Variants in NFKBIZ observed in about 807,000 individuals in gnomAD.
The protein encoded by NFKBIZ is NF-kappa-B inhibitor zeta.
Under a neutral mutation model 76.8 loss-of-function variants are expected in NFKBIZ, and 19 were observed. The observed-to-expected ratio is 0.25, with a 90% CI of 0.17 to 0.36. The LOEUF is 0.36. NFKBIZ is among the 10% of genes least tolerant of loss of function. The pLI is 1.00. For synonymous variants in NFKBIZ, 368 were observed against 354.8 expected (o/e 1.04, Z -0.42); for missense variants, 829 against 910.9 (o/e 0.91, Z 1.16).
chr3:101,850,140 G>A, intron 1 of NFKBIZ: 1 of 423,734 alleles, frequency 2.4e-6, no homozygotes, highest in Non-Finnish European at 4.1e-6. Context: ...CGGGCCTCGG[G>A]GGGGCTTCAG....
intron 2 of NFKBIZ, chr3:101,829,734 C>T (rs1037950608): frequency 6.6e-6 from 1 of 152,098 alleles, no homozygotes; most frequent in Non-Finnish European, 1.5e-5. Context: ...CAGGTGTTAC[C>T]TAGCTTCTGG....
At chr3:101,833,859 AT>A (rs1942679108) in intron 2 of NFKBIZ, among the ~76,000 whole-genome samples, 1 of 152,220 alleles carries the variant, frequency 6.6e-6, no homozygotes, top group Non-Finnish European at 1.5e-5. Flanking sequence ...TTGCAGCCAA[AT>A]TGAAGCAGGC....
chr3:101,836,670 C>G (rs1392450902), intron 2 of NFKBIZ, among the ~76,000 whole-genome samples: 2 of 152,158 alleles, frequency 1.3e-5, no homozygotes, highest in African/African-American at 4.8e-5. Context: ...TCCCTTTTAT[C>G]TTTTCTTAAA....
At chr3:101,848,304 C>T (rs536113374), upstream of NFKBIZ, among the ~76,000 whole-genome samples, 1 of 152,322 alleles carries the variant, frequency 6.6e-6, no homozygotes, top group African/African-American at 2.4e-5. Context: ...TCTTGACAAT[C>T]GTAAAAGGGG....
At chr3:101,845,163 G>T (rs1180006251), upstream of NFKBIZ, among the ~76,000 whole-genome samples, 1 of 151,786 alleles carries the variant, frequency 6.6e-6, no homozygotes, top group African/African-American at 2.4e-5. Context: ...AGCTACTCGG[G>T]AGGCTAAGGC....
At chr3:101,851,554 T>A (rs1942963857) in intron 1 of NFKBIZ, among the ~76,000 whole-genome samples, 1 of 152,272 alleles carries the variant, frequency 6.6e-6, no homozygotes, top group South Asian at 2.1e-4. Context: ...AGAAGTTGTT[T>A]TGTGCCTTCT....
rs565624863 is a variant in NFKBIZ, at chr3:101,833,015, C to T, written c.-12+3327C>T. ...TTCTGAGTAAATCTGCGCAGTGATT[C>T]GGCACCACTATTAAAACACTGTCTC... On this transcript the variant is annotated intron_variant, in intron 2 of 12. Coordinates refer to the NFKBIZ transcript ENST00000394054. 1.7e-4 allele frequency among the ~76,000 whole-genome samples: 26 copies of T among 152,320 alleles called. 1 individual carries two copies. Among genetic ancestry groups the T allele is most frequent in the East Asian group, 3.9e-4 (2 of 5,192 alleles).
rs1942976536 is a variant in NFKBIZ, at chr3:101,852,284, T to C, written c.429+60T>C. 5 of 1,572,088 alleles carry C rather than the reference T, an allele frequency of 3.2e-6. No individual in the cohort carries two copies. In the African/African-American group the frequency reaches 6.8e-5, roughly 21 times the overall value. ...GGGGAGAGGGGTTAGTCTGTCAGGGTTATTATGATGACCTAGGTCCAGTCA... is the reference window on the plus strand; with the variant it reads ...GGGGAGAGGGGTTAGTCTGTCAGGGCTATTATGATGACCTAGGTCCAGTCA... On this transcript the variant is annotated intron_variant, in intron 2 of 11. Coordinates refer to ENST00000326172, the MANE Select transcript of NFKBIZ (RefSeq NM_031419.4).
At chr3:101,848,170 A>T (rs1464876932), upstream of NFKBIZ, among the ~76,000 whole-genome samples, 1 of 152,170 alleles carries the variant, frequency 6.6e-6, no homozygotes, top group Admixed American at 6.5e-5. Context: ...TTGCAGATTA[A>T]TTTTGCCTAC....
chr3:101,852,192 A>G lies in NFKBIZ; in HGVS notation c.397A>G (p.Lys133Glu), dbSNP rs538327374. The change falls in exon 2 of 12, where the codon AAG becomes GAG. Residue 133 changes from lysine (K) to glutamate (E), a missense_variant. This residue lies in a region of NFKBIZ where 371 missense variants were observed against 332.3 expected (regional missense o/e 1.12). Coordinates refer to ENST00000326172, the MANE Select transcript of NFKBIZ (RefSeq NM_031419.4). The part of the protein sequence containing the change: ...LLLHIRSHKQ[K>E]ASGQAVDDFK... ...GTTGCACATCCGAAGTCATAAACAG[A>G]AGGCTTCTGGCCAAGCTGTGGATGA... is the stretch of plus-strand genomic sequence containing the variant. The G allele has an allele frequency of 6.2e-7, 1 of 1,614,194 alleles. No homozygotes were observed. The highest frequency in any genetic ancestry group is 1.1e-5 in the South Asian group (1 of 91,086).
upstream of NFKBIZ, among the ~76,000 whole-genome samples, chr3:101,844,680 A>C (rs1942827927): frequency 6.6e-6 from 1 of 152,222 alleles, no homozygotes; most frequent in Admixed American, 6.5e-5. Flanking sequence ...TTTCTAAGGC[A>C]AAAGTGCAAT....
At chr3:101,829,874 ATT>A (rs931972433) in intron 2 of NFKBIZ, among the ~76,000 whole-genome samples, 33 of 150,534 alleles carry the variant, frequency 2.2e-4, no homozygotes, top group African/African-American at 7.0e-4. Context: ...GAGAACTAAG[ATT>A]TTTTGTGTGT....
At chr3:101,851,945 A>G in intron 1 of NFKBIZ, 140 bp from the exon 2 acceptor site, 1 of 948,146 alleles carries the variant, frequency 1.1e-6, no homozygotes, top group East Asian at 2.6e-5. Context: ...CCATTGATTG[A>G]CCAGAGCAAG....
Position 101,849,829 on chromosome 3 carries a change from C to T in NFKBIZ, c.201C>T (p.Ser67=). 1 of 1,474,048 alleles carries T rather than the reference C, an allele frequency of 6.8e-7. No individual in the cohort carries two copies. Among genetic ancestry groups the T allele is most frequent in the South Asian group, 1.3e-5 (1 of 77,766 alleles). The allele number at this position is 1,474,048 out of a possible 1,614,324, so 91.3% of individuals were successfully genotyped here. A position where few individuals can be genotyped will look rare whatever the true frequency, so the allele number is the denominator to read the frequency against. Residue 67 remains serine, a synonymous_variant, in exon 1 of 12, where the codon TCC becomes TCT. Coordinates refer to ENST00000326172, the MANE Select transcript of NFKBIZ (RefSeq NM_031419.4). ...PSAPGSPGSD[S]SDFSSASSVS... ...CGCCCGGCTCGCCCGGCTCCGACTC[C>T]TCCGACTTCTCCTCTGCCTCGTCGG...
chr3:101,852,699 A>G lies in NFKBIZ; in HGVS notation c.430-39A>G, dbSNP rs1446443645. On this transcript the variant is annotated intron_variant, in intron 2 of 11. Transcript: ENST00000326172. ...TACTGATGTATATTAAGAGGAAGTC[A>G]TTTTGTATACACTAAATTGGAAACT... 2.0e-6 allele frequency: 3 copies of G among 1,488,416 alleles called. No homozygotes were observed. In the Admixed American group the frequency reaches 5.4e-5, roughly 27 times the overall value. 92.2% of individuals were successfully genotyped at this position (1,488,416 alleles called of 1,614,324 possible).
At chr3:101,849,297 G>A, upstream of NFKBIZ, 1 of 219,982 alleles carries the variant, frequency 4.5e-6, no homozygotes. Context: ...TGAAGGGCAG[G>A]CAAACAACCG....
chr3:101,844,823 G>T (rs1942828870), upstream of NFKBIZ, among the ~76,000 whole-genome samples: 1 of 152,158 alleles, frequency 6.6e-6, no homozygotes, highest in South Asian at 2.1e-4. Flanking sequence ...ACTCTACCAG[G>T]CTTTATTGGT....
At chr3:101,832,532 C>CT (rs1420937265) in intron 2 of NFKBIZ, among the ~76,000 whole-genome samples, 1 of 152,162 alleles carries the variant, frequency 6.6e-6, no homozygotes, top group Admixed American at 6.5e-5. Context: ...TTTGATGACT[C>CT]TACATACCTT....
chr3:101,853,457 A>G lies in NFKBIZ; in HGVS notation c.931A>G (p.Ser311Gly), dbSNP rs1282818229. 6.2e-7 allele frequency: 1 copy of G among 1,614,226 alleles called. No individual in the cohort carries two copies. Among genetic ancestry groups the G allele is most frequent in the Non-Finnish European group, 8.5e-7 (1 of 1,180,042 alleles). Residue 311 changes from serine to glycine, a missense_variant, in exon 5 of 12, where the codon AGT becomes GGT. Around this residue, in one of 4 missense-constraint regions of NFKBIZ, gnomAD observed 371 missense variants for 332.3 expected, o/e 1.12. Transcript: ENST00000326172. ...CACCCACAAACCAACTCTGGAATAC[A>G]GTCCTTTTCCCATACCTCCCCAGTC... ...HYTHKPTLEY[S>G]PFPIPPQSPA... is the part of the protein sequence containing the mutation.
Sources: allele counts gnomAD v4.1 joint callset (sites outside exome capture counted in the v4.1 genomes callset), GRCh38; gene constraint gnomAD v4.1.1; regional missense constraint gnomAD v4.1.1; transcripts MANE v1.5; gene names NCBI Gene and HGNC (gene_info 2026-07-23, HGNC 2026-07-21).